The following ARHGAP29 variants were observed in gnomAD, a reference collection of about 807,000 sequenced individuals.
The protein encoded by ARHGAP29 is rho GTPase-activating protein 29.
ARHGAP29 carries 43 observed loss-of-function variants against 122.6 expected under a neutral mutation model. That is an observed-to-expected ratio of 0.35 (90% CI 0.27 to 0.45). The LOEUF is 0.45. Ranked by LOEUF, ARHGAP29 falls within the 20% of genes least tolerant of loss-of-function variation. The probability of loss-of-function intolerance (pLI) is 1.00; values close to 1 mark genes in which losing one functional copy is unlikely to be tolerated. For synonymous variants in ARHGAP29, 506 were observed against 497.1 expected, an observed-to-expected ratio of 1.02 and a Z score of -0.24; for missense variants, 1,303 against 1,477.2, an observed-to-expected ratio of 0.88 and a Z score of 1.93.
At chr1:94,264,760 T>C (rs1255904785) in intron 1 of ARHGAP29, among the ~76,000 whole-genome samples, 1 of 152,202 alleles carries the variant, frequency 6.6e-6, no homozygotes. Flanking sequence ...CCATCCCCGG[T>C]CTTTGCCAAG....
At chr1:94,272,473 G>A (rs959541335) in intron 1 of ARHGAP29, among the ~76,000 whole-genome samples, 2 of 152,152 alleles carry the variant, frequency 1.3e-5, no homozygotes, top group African/African-American at 4.8e-5. Context: ...AAGGAGGTAG[G>A]CAGCCAACAG....
At chr1:94,191,439 T>C (rs577173596) in intron 12 of ARHGAP29, 2 of 152,298 alleles carry the variant, frequency 1.3e-5, no homozygotes, top group Admixed American at 6.5e-5. Flanking sequence ...TCCCTAAGGA[T>C]ACTTGACTCT....
chr1:94,238,183 C>T (rs1653425463), upstream of ARHGAP29, among the ~76,000 whole-genome samples: 2 of 151,280 alleles, frequency 1.3e-5, no homozygotes, highest in African/African-American at 4.9e-5. Context: ...ACCTCAGCCA[C>T]CTGAGTAGCT....
intron 1 of ARHGAP29, among the ~76,000 whole-genome samples, chr1:94,253,640 GCAC>G (rs1654205673): frequency 2.1e-5 from 2 of 93,866 alleles, no homozygotes; most frequent in African/African-American, 1.1e-4. Context: ...GAACACACAC[GCAC>G]GCACGCACGC....
intron 8 of ARHGAP29, 76 bp downstream of exon 8, chr1:94,203,854 T>C: frequency 5.5e-6 from 7 of 1,272,542 alleles, no homozygotes; most frequent in South Asian, 1.3e-5. Flanking sequence ...AACTGAAATA[T>C]TCTGATTTTG....
chr1:94,189,832 T>C, intron 13 of ARHGAP29, 94 bp downstream of exon 13: 5 of 1,246,508 alleles, frequency 4.0e-6, no homozygotes, highest in Non-Finnish European at 5.5e-6. Context: ...TTTAATTTTG[T>C]CAGTTAGAAA....
In ARHGAP29 at chr1:94,173,236, CA is replaced by C. The variant is rs1648859523; in HGVS notation, c.*632del. 1 of 152,668 alleles carries C rather than the reference CA, an allele frequency of 6.6e-6. No individual in the cohort carries two copies. Among genetic ancestry groups the C allele is most frequent in the Admixed American group, 6.5e-5 (1 of 15,296 alleles). The allele number at this position is 152,668 out of a possible 1,614,324, so 9.5% of individuals were successfully genotyped here. On this transcript the variant is annotated 3_prime_UTR_variant, in exon 23 of 23. Transcript: ENST00000260526. ...GCATTTTCTTTGTACAACTGACTAT[CA>C]CATGTAAAAACTGGCAATTAATTAA... is the stretch of plus-strand genomic sequence containing the variant.
the ARHGAP29 span, among the ~76,000 whole-genome samples, chr1:94,303,875 C>A: frequency 6.6e-6 from 1 of 152,222 alleles, no homozygotes; most frequent in African/African-American, 2.4e-5. Flanking sequence ...CTTCCCAGCA[C>A]TCTTCTTGCC....
rs1649206435 is a variant in ARHGAP29 at position 94,177,899 on chromosome 1, T to C, written c.2749A>G (p.Arg917Gly). The C allele has an allele frequency of 1.9e-6, 3 of 1,614,056 alleles. No homozygotes were observed. The highest frequency in any genetic ancestry group is 2.5e-6 in the Non-Finnish European group (3 of 1,179,996). The change falls in exon 21 of 23, where the codon AGA (arginine) becomes GGA (glycine). Residue 917 changes from arginine to glycine, a missense_variant. Arg to Gly is a moderately radical substitution (Grantham distance 125, BLOSUM62 -2). Transcript: ENST00000260526. ...FPKPLLSPEE[R>G]DIERSMKSLF... is the part of the protein sequence containing the mutation. ...GACTTCATGGAACGTTCAATGTCTCTTTCTTCTGGTGATAACAGAGGCTTT... is the reference window on the plus strand; with the variant it reads ...GACTTCATGGAACGTTCAATGTCTCCTTCTTCTGGTGATAACAGAGGCTTT...
chr1:94,173,765 C>T lies in ARHGAP29; in HGVS notation c.*104G>A, dbSNP rs1453521356. The T allele has an allele frequency of 1.5e-6, 2 of 1,372,358 alleles. No homozygotes were observed. Among genetic ancestry groups the T allele is most frequent in the African/African-American group, 1.5e-5 (1 of 68,950 alleles). The allele number at this position is 1,372,358 out of a possible 1,614,324, so 85.0% of individuals were successfully genotyped here. ...ACAAAAGGCAAAACCCATGATTTGG[C>T]AGTCCTATACAAAAGAGGCCCTGTC... is the stretch of plus-strand genomic sequence containing the variant. On this transcript the variant is annotated 3_prime_UTR_variant, in exon 23 of 23. Transcript: ENST00000260526.
At chr1:94,203,367 AAATT>A (rs1650985313) in intron 8 of ARHGAP29, among the ~76,000 whole-genome samples, 157 bp from the exon 9 acceptor site, 1 of 152,228 alleles carries the variant, frequency 6.6e-6, no homozygotes, top group Admixed American at 6.5e-5. Context: ...ATATAGAAGA[AAATT>A]AATTATAATT....
chr1:94,174,537 C>T lies in ARHGAP29; in HGVS notation c.3118G>A (p.Gly1040Arg). 6.2e-7 allele frequency: 1 copy of T among 1,614,150 alleles called. No homozygotes were observed. Among genetic ancestry groups the T allele is most frequent in the Non-Finnish European group, 8.5e-7 (1 of 1,180,024 alleles). ...PPNERNGRNMGNVNLDKFCKN... is the reference protein window; with the variant it reads ...PPNERNGRNMRNVNLDKFCKN... ...CAAAACTTGTCTAAATTTACATTTC[C>T]CATATTTCTGCCATTTCTCTCATTA... The change falls in exon 23 of 23, where the codon GGA (glycine) becomes AGA (arginine). Residue 1040 changes from glycine to arginine, a missense_variant. Physicochemically the swap from Gly to Arg is moderately radical, Grantham distance 125 (BLOSUM62 -2). Coordinates refer to ENST00000260526, the MANE Select transcript of ARHGAP29 (RefSeq NM_004815.4).
At chr1:94,224,541 A>G (rs2101595963) in intron 2 of ARHGAP29, among the ~76,000 whole-genome samples, 1 of 152,302 alleles carries the variant, frequency 6.6e-6, no homozygotes, top group African/African-American at 2.4e-5. Context: ...AAACATGCAG[A>G]AATCCATATA....
chr1:94,216,965 C>G (rs908995595), intron 3 of ARHGAP29, among the ~76,000 whole-genome samples: 3 of 152,012 alleles, frequency 2.0e-5, no homozygotes, highest in Admixed American at 6.6e-5. Flanking sequence ...AAAGATTTTT[C>G]TTTTAAAGTT....
At chr1:94,179,559 C>T (rs1349771800) in intron 20 of ARHGAP29, among the ~76,000 whole-genome samples, 166 bp downstream of exon 20, 1 of 132,640 alleles carries the variant, frequency 7.5e-6, no homozygotes, top group East Asian at 2.3e-4. Flanking sequence ...TGCTGCTGCA[C>T]CCCAGCCTGG....
intron 12 of ARHGAP29, chr1:94,191,801 A>G (rs928026848): frequency 6.6e-6 from 1 of 152,204 alleles, no homozygotes; most frequent in African/African-American, 2.4e-5. Context: ...TCTCAAAGTA[A>G]TGGCAATATG....
the ARHGAP29 span, among the ~76,000 whole-genome samples, chr1:94,287,935 C>A: frequency 7.2e-5 from 11 of 152,252 alleles, no homozygotes; most frequent in African/African-American, 2.6e-4. Context: ...CAAGTCTCTG[C>A]TATTGTGAAT....
At chr1:94,308,030 A>C in the ARHGAP29 span, among the ~76,000 whole-genome samples, 1 of 152,112 alleles carries the variant, frequency 6.6e-6, no homozygotes, top group Non-Finnish European at 1.5e-5. Context: ...CTCTTAATGC[A>C]TCTTTTTATC....
intron 19 of ARHGAP29, among the ~76,000 whole-genome samples, chr1:94,182,811 T>TAAAAA (rs1557841802): frequency 6.7e-6 from 1 of 148,770 alleles, no homozygotes; most frequent in Non-Finnish European, 1.5e-5. Context: ...AACAGGAGAA[T>TAAAAA]AAAACAAAAC....
Sources: allele counts gnomAD v4.1 joint callset (sites outside exome capture counted in the v4.1 genomes callset), GRCh38; gene constraint gnomAD v4.1.1; transcripts MANE v1.5; gene names NCBI Gene and HGNC (gene_info 2026-07-23, HGNC 2026-07-21).